Variants in PIBF1 observed in about 807,000 individuals in gnomAD.
The protein encoded by PIBF1 is progesterone-induced-blocking factor 1.
In PIBF1, 90 loss-of-function variants were observed where a neutral mutation model predicts 112.5. The ratio of observed to expected loss-of-function variants is 0.80; its 90% CI spans 0.67 to 0.95. PIBF1 has a LOEUF of 0.95. Among genes scored for constraint, PIBF1 ranks in the 40% least tolerant of loss-of-function variants. The pLI is 0.00. For synonymous variants in PIBF1, 301 were observed against 288.6 expected (o/e 1.04, Z -0.44); for missense variants, 915 against 852.3 (o/e 1.07, Z -0.92).
chr13:72,860,364 G>A (rs895562439), intron 10 of PIBF1, among the ~76,000 whole-genome samples: 1 of 151,064 alleles, frequency 6.6e-6, no homozygotes, highest in Non-Finnish European at 1.5e-5. Context: ...ACAGTAGAGA[G>A]ACAGAGAATC....
intron 16 of PIBF1, among the ~76,000 whole-genome samples, chr13:72,981,237 G>A (rs1235783903): frequency 6.6e-6 from 1 of 151,218 alleles, no homozygotes; most frequent in Non-Finnish European, 1.5e-5. Context: ...GGGTGACAGA[G>A]CAAGACTCTG....
At chr13:72,924,266 AGTTCAAT>A (rs2041403901) in intron 13 of PIBF1, among the ~76,000 whole-genome samples, 1 of 152,064 alleles carries the variant, frequency 6.6e-6, no homozygotes, top group Non-Finnish European at 1.5e-5. Context: ...TTTAATTGCT[AGTTCAAT>A]GCTTAATACT....
At chr13:72,926,280 A>G (rs987629128) in intron 13 of PIBF1, among the ~76,000 whole-genome samples, 2 of 152,228 alleles carry the variant, frequency 1.3e-5, no homozygotes. Flanking sequence ...CAATATATGC[A>G]TATGTATTCA....
intron 16 of PIBF1, among the ~76,000 whole-genome samples, chr13:72,978,329 T>C (rs753470966): frequency 6.6e-6 from 1 of 152,236 alleles, no homozygotes; most frequent in East Asian, 1.9e-4. Flanking sequence ...AATATCATTG[T>C]CCTCATTGTT....
At chr13:72,921,212 C>T (rs942614417) in intron 13 of PIBF1, among the ~76,000 whole-genome samples, 1 of 152,110 alleles carries the variant, frequency 6.6e-6, no homozygotes, top group Non-Finnish European at 1.5e-5. Flanking sequence ...AAGCAATTCT[C>T]CTGCCTCAGC....
At position 72,961,164 on chromosome 13, in the gene PIBF1, A is replaced by G. The variant is rs141143480; in HGVS notation, c.1834-4110A>G. On this transcript the variant is annotated intron_variant, in intron 14 of 17. Transcript: ENST00000326291. ...AGAATAGTTCTCTATGTGCAAGCAG[A>G]CATCCTCTAACAGTTGGTCAGCCCC... 5.3e-5 allele frequency among the ~76,000 whole-genome samples: 8 copies of G among 152,108 alleles called. No individual in the cohort carries two copies. The East Asian group carries it at 1.4e-3, about 26-fold the overall frequency.
At chr13:72,795,206 T>C (rs1430137174) in intron 3 of PIBF1, among the ~76,000 whole-genome samples, 153 bp from the exon 4 acceptor site, 1 of 152,180 alleles carries the variant, frequency 6.6e-6, no homozygotes, top group Non-Finnish European at 1.5e-5. Flanking sequence ...TTTAACTGAT[T>C]AATATGAGTA....
intron 16 of PIBF1, among the ~76,000 whole-genome samples, chr13:72,982,056 T>C (rs1308020610): frequency 6.6e-6 from 1 of 152,212 alleles, no homozygotes; most frequent in African/African-American, 2.4e-5. Flanking sequence ...TGAGAATTAA[T>C]ATAGCAGTGT....
In PIBF1 at chr13:72,854,168, A is replaced by G; in HGVS notation, c.1322+13A>G. On this transcript the variant is annotated intron_variant, in intron 10 of 17. Transcript: ENST00000326291. ...AGCTCTTAGACAGGTAAGCATCATA[A>G]AAATAGAAATGTTAAAACTCTTCCA... 3 of 1,527,746 alleles carry G rather than the reference A, an allele frequency of 2.0e-6. No individual in the cohort carries two copies. Among genetic ancestry groups the G allele is most frequent in the Non-Finnish European group, 2.7e-6 (3 of 1,103,076 alleles). The allele number at this position is 1,527,746 out of a possible 1,614,324, so 94.6% of individuals were successfully genotyped here.
chr13:72,968,048 G>C (rs2042792374), intron 15 of PIBF1, among the ~76,000 whole-genome samples: 1 of 151,614 alleles, frequency 6.6e-6, no homozygotes, highest in Non-Finnish European at 1.5e-5. Context: ...GCCGGGCGTA[G>C]TGGCGGGCGC....
chr13:72,872,869 G>A, intron 10 of PIBF1, among the ~76,000 whole-genome samples: 1 of 152,000 alleles, frequency 6.6e-6, no homozygotes, highest in East Asian at 1.9e-4. Flanking sequence ...AATACTTAGG[G>A]ATAAAATTAA....
At chr13:72,947,637 C>T (rs986496051) in intron 14 of PIBF1, among the ~76,000 whole-genome samples, 18 of 152,062 alleles carry the variant, frequency 1.2e-4, no homozygotes, top group Non-Finnish European at 2.4e-4. Flanking sequence ...ATTTTTCCCC[C>T]AGAGTGTAAA....
chr13:72,794,566 A>G (rs980638894), intron 3 of PIBF1, among the ~76,000 whole-genome samples: 1 of 152,144 alleles, frequency 6.6e-6, no homozygotes, highest in Non-Finnish European at 1.5e-5. Flanking sequence ...TAACTGAATC[A>G]TGGAGGTGGT....
intron 10 of PIBF1, among the ~76,000 whole-genome samples, chr13:72,869,049 T>A (rs933176379): frequency 1.3e-5 from 2 of 152,126 alleles, no homozygotes; most frequent in African/African-American, 2.4e-5. Context: ...ATTGTGGAAG[T>A]CAGTGTGGCG....
chr13:72,795,475 GTGAC>G lies in PIBF1; in HGVS notation c.472_475del (p.Asp158LeufsTer3), dbSNP rs1422235566. 6.2e-7 allele frequency: 1 copy of G among 1,610,522 alleles called. No individual in the cohort carries two copies. The highest frequency in any genetic ancestry group is 8.5e-7 in the Non-Finnish European group (1 of 1,178,676). On this transcript the variant is annotated frameshift_variant, in exon 4 of 18. Coordinates refer to ENST00000326291, the MANE Select transcript of PIBF1 (RefSeq NM_006346.4). LOFTEE classifies it high-confidence loss of function. ...GCTGGAGATGTTCGTCGAAACCTGC[GTGAC>G]TTTGAGTTGACAGAAGAGCAATATA...
At chr13:72,909,497 CTT>C (rs768847208) in intron 12 of PIBF1, among the ~76,000 whole-genome samples, 11 of 142,804 alleles carry the variant, frequency 7.7e-5, no homozygotes, top group Non-Finnish European at 7.7e-5. Context: ...TTTCTTTTTT[CTT>C]TTTTTTTTTT....
chr13:72,836,259 G>T, intron 9 of PIBF1: 8 of 307,366 alleles, frequency 2.6e-5, no homozygotes, highest in South Asian at 1.1e-4. Context: ...TAGTCAGTGT[G>T]GTTTTTGAAA....
At chr13:72,807,594 AT>A in intron 5 of PIBF1, among the ~76,000 whole-genome samples, 1 of 152,184 alleles carries the variant, frequency 6.6e-6, no homozygotes, top group East Asian at 1.9e-4. Flanking sequence ...AATTTAATAC[AT>A]TTATTGATGA....
intron 5 of PIBF1, among the ~76,000 whole-genome samples, chr13:72,801,361 A>C (rs1339396160): frequency 6.6e-6 from 1 of 152,082 alleles, no homozygotes; most frequent in Non-Finnish European, 1.5e-5. Flanking sequence ...TGTAGCCTAG[A>C]AATATAGAAA....
Sources: allele counts gnomAD v4.1 joint callset (sites outside exome capture counted in the v4.1 genomes callset), GRCh38; gene constraint gnomAD v4.1.1; transcripts MANE v1.5; gene names NCBI Gene and HGNC (gene_info 2026-07-23, HGNC 2026-07-21).